Variants in AUTS2 observed in about 807,000 individuals in gnomAD.
AUTS2 encodes activator of transcription and developmental regulator AUTS2.
A neutral mutation model predicts 112.4 loss-of-function variants in AUTS2; 17 were observed. That is an observed-to-expected ratio of 0.15 (90% CI 0.10 to 0.23). AUTS2 has a LOEUF of 0.23. AUTS2 is among the 10% of genes least tolerant of loss of function. The probability of loss-of-function intolerance (pLI) is 1.00; values close to 1 mark genes in which losing one functional copy is unlikely to be tolerated. For missense variants in AUTS2, 1,510 were observed against 1,701.6 expected, an observed-to-expected ratio of 0.89 and a Z score of 1.98; for synonymous variants, 751 against 702.7, an observed-to-expected ratio of 1.07 and a Z score of -1.09.
At chr7:69,875,223 G>A (rs775683886) in intron 1 of AUTS2, among the ~76,000 whole-genome samples, 1 of 152,022 alleles carries the variant, frequency 6.6e-6, no homozygotes, top group Non-Finnish European at 1.5e-5. Context: ...TGAAAGTCTA[G>A]GTGAGCCTTT....
chr7:70,071,665 C>T (rs558752337), intron 2 of AUTS2, among the ~76,000 whole-genome samples: 93 of 152,184 alleles, frequency 6.1e-4, no homozygotes, highest in African/African-American at 2.0e-3. Context: ...TAGTCATTTT[C>T]GATTTATTTG....
intron 2 of AUTS2, among the ~76,000 whole-genome samples, chr7:69,976,425 T>C (rs972341909): frequency 1.3e-5 from 2 of 152,232 alleles, no homozygotes; most frequent in Admixed American, 1.3e-4. Flanking sequence ...TGCTTCCACC[T>C]CTTGGCTATT....
intron 5 of AUTS2, among the ~76,000 whole-genome samples, chr7:70,528,414 G>A (rs771005750): frequency 5.3e-5 from 8 of 152,136 alleles, no homozygotes; most frequent in South Asian, 2.1e-4. Flanking sequence ...GGGAGACAGA[G>A]GTAAGAGCAT....
intron 4 of AUTS2, among the ~76,000 whole-genome samples, chr7:70,412,359 A>G (rs1411384834): frequency 6.6e-6 from 1 of 152,214 alleles, no homozygotes; most frequent in Non-Finnish European, 1.5e-5. Flanking sequence ...TTGGGAAAGT[A>G]AAGAATGCCT....
intron 6 of AUTS2, among the ~76,000 whole-genome samples, chr7:70,741,233 C>T (rs1788087775): frequency 6.6e-6 from 1 of 151,668 alleles, no homozygotes; most frequent in Admixed American, 6.6e-5. Context: ...TACAACGCTA[C>T]ATACAGTTTC....
intron 4 of AUTS2, among the ~76,000 whole-genome samples, chr7:70,219,369 C>T (rs1811349149): frequency 6.6e-6 from 1 of 152,068 alleles, no homozygotes; most frequent in Non-Finnish European, 1.5e-5. Context: ...AAAACTGTCG[C>T]TCATGCGTTC....
chr7:70,003,432 ATG>A (rs1799325062), intron 2 of AUTS2, among the ~76,000 whole-genome samples: 1 of 123,556 alleles, frequency 8.1e-6, no homozygotes, highest in Non-Finnish European at 1.6e-5. Flanking sequence ...ATATATGAAT[ATG>A]TTATATATGA....
intron 5 of AUTS2, among the ~76,000 whole-genome samples, chr7:70,624,673 A>G (rs1018396150): frequency 6.6e-6 from 1 of 152,092 alleles, no homozygotes; most frequent in Admixed American, 6.6e-5. Context: ...TGCTAAACAT[A>G]TGCTGCTTAG....
chr7:70,275,997 G>T (rs2129609692), intron 4 of AUTS2, among the ~76,000 whole-genome samples: 1 of 152,236 alleles, frequency 6.6e-6, no homozygotes. Context: ...AAAATTTCTG[G>T]CAATTAGTAT....
At chr7:69,913,012 C>T (rs541218948) in intron 2 of AUTS2, among the ~76,000 whole-genome samples, 1 of 152,268 alleles carries the variant, frequency 6.6e-6, no homozygotes, top group East Asian at 1.9e-4. Flanking sequence ...ACATTTTAGG[C>T]CCTGACTAAT....
At chr7:70,581,033 C>T (rs1047365344) in intron 5 of AUTS2, among the ~76,000 whole-genome samples, 1 of 152,126 alleles carries the variant, frequency 6.6e-6, no homozygotes, top group South Asian at 2.1e-4. Context: ...TCACTTGAGG[C>T]CAGGAGTTTG....
intron 1 of AUTS2, among the ~76,000 whole-genome samples, chr7:69,841,907 T>C (rs1425347309): frequency 6.6e-6 from 1 of 152,212 alleles, no homozygotes; most frequent in African/African-American, 2.4e-5. Flanking sequence ...TTATTAAGTA[T>C]TTCATGAAAG....
At chr7:70,721,279 C>CGTGTGTGTGTGTGTGTGTGT (rs55885084) in intron 6 of AUTS2, among the ~76,000 whole-genome samples, 89 of 140,154 alleles carry the variant, frequency 6.4e-4, no homozygotes, top group South Asian at 2.2e-3. Flanking sequence ...GAATTTCATT[C>CGTGTGTGTGTGTGTGTGTGT]GTGTGTGTGT....
At chr7:69,899,625 C>A in intron 2 of AUTS2, 127 bp downstream of exon 2, 3 of 861,906 alleles carry the variant, frequency 3.5e-6, no homozygotes, top group Non-Finnish European at 5.4e-6. Context: ...GGTTGTCCAA[C>A]AAAGCTGTGT....
At chr7:70,007,303 A>T (rs566522044) in intron 2 of AUTS2, among the ~76,000 whole-genome samples, 175 of 152,306 alleles carry the variant, frequency 1.1e-3, no homozygotes, top group African/African-American at 4.0e-3. Context: ...AAAGTAACAT[A>T]CTCATTGTAG....
chr7:70,614,731 G>A (rs899491975), intron 5 of AUTS2, among the ~76,000 whole-genome samples: 4 of 152,166 alleles, frequency 2.6e-5, no homozygotes, highest in African/African-American at 4.8e-5. Flanking sequence ...TCCTCTCCTC[G>A]GGGAGCACGG....
intron 1 of AUTS2, among the ~76,000 whole-genome samples, chr7:69,677,062 T>C (rs1010636178): frequency 3.0e-4 from 46 of 152,292 alleles, no homozygotes; most frequent in African/African-American, 1.1e-3. Context: ...ATCTAATCTA[T>C]TTGGATGTCT....
At chr7:70,079,501 CAAAA>C (rs1803198214) in intron 2 of AUTS2, among the ~76,000 whole-genome samples, 1 of 151,340 alleles carries the variant, frequency 6.6e-6, no homozygotes, top group South Asian at 2.1e-4. Context: ...AACTCCATCT[CAAAA>C]AATAAAAAAA....
intron 4 of AUTS2, among the ~76,000 whole-genome samples, chr7:70,218,578 C>G (rs1403829686): frequency 6.6e-6 from 1 of 152,162 alleles, no homozygotes; most frequent in Non-Finnish European, 1.5e-5. Context: ...CAAGCCCCAG[C>G]CCCACCTCTG....
Sources: gnomAD v4.1 joint callset for allele counts (sites outside exome capture counted in the v4.1 genomes callset) on GRCh38, gnomAD v4.1.1 for gene constraint, MANE v1.5 for transcripts, NCBI Gene and HGNC (gene_info 2026-07-23, HGNC 2026-07-21) for gene names.